Variants in IQCH observed in about 807,000 individuals in gnomAD.
IQCH encodes IQ domain-containing protein H.
IQCH carries 98 observed loss-of-function variants against 117.0 expected under a neutral mutation model. That is an observed-to-expected ratio of 0.84 (90% confidence interval 0.71 to 0.99). The LOEUF is 0.99. Among genes scored for constraint, IQCH ranks in the 50% least tolerant of loss-of-function variants. The pLI, the probability that IQCH is intolerant of heterozygous loss-of-function variation, is 0.00. For missense variants in IQCH, 1,102 were observed against 1,243.8 expected (o/e 0.89, Z 1.72); for synonymous variants, 412 against 448.2 (o/e 0.92, Z 1.02).
intron 4 of IQCH, among the ~76,000 whole-genome samples, chr15:67,301,328 G>C (rs546372683): frequency 6.6e-6 from 1 of 150,696 alleles, no homozygotes; most frequent in Admixed American, 6.6e-5. Flanking sequence ...CATCACTATA[G>C]ATGGTTCGTA....
chr15:67,346,648 C>T (rs2140695101), intron 6 of IQCH, among the ~76,000 whole-genome samples: 1 of 152,280 alleles, frequency 6.6e-6, no homozygotes, highest in Non-Finnish European at 1.5e-5. Context: ...AGTACCCAGT[C>T]TGTGGCTTGT....
At position 67,364,531 on chromosome 15, in the gene IQCH, GATTA is replaced by G; in HGVS notation, c.753+4649_753+4652del. On this transcript the variant is annotated intron_variant, in intron 8 of 20. Transcript: ENST00000335894. The surrounding 1 kb of genome is among the most constrained non-coding windows in gnomAD (Gnocchi z 4.1). Reference sequence around the variant, plus strand: ...CTAACTGAACATTTTTATTACATGTGATTAATAATTTTGCTTATATACAACAGAA... The same window carrying G: ...CTAACTGAACATTTTTATTACATGTGATAATTTTGCTTATATACAACAGAA... 6.6e-6 allele frequency among the ~76,000 whole-genome samples: 1 copy of G among 151,828 alleles called. No individual in the cohort carries two copies. Among genetic ancestry groups the G allele is most frequent in the Non-Finnish European group, 1.5e-5 (1 of 67,934 alleles).
intron 4 of IQCH, among the ~76,000 whole-genome samples, chr15:67,309,176 A>G (rs950493121): frequency 6.6e-6 from 1 of 152,136 alleles, no homozygotes; most frequent in Non-Finnish European, 1.5e-5. Context: ...AAAGCACTTA[A>G]CAAAGGTCCT....
At chr15:67,455,916 T>C (rs926506559) in intron 16 of IQCH, among the ~76,000 whole-genome samples, 2 of 152,250 alleles carry the variant, frequency 1.3e-5, no homozygotes, top group East Asian at 1.9e-4. Context: ...TGTGTTTTCA[T>C]GTTTATTATA....
intron 4 of IQCH, chr15:67,281,520 G>A (rs1018980269): frequency 3.0e-6 from 1 of 336,812 alleles, no homozygotes; most frequent in African/African-American, 2.2e-5. Flanking sequence ...AAGAAGCTTG[G>A]CTAGCAAAGA....
chr15:67,489,018 A>G (rs1049532829), intron 18 of IQCH, among the ~76,000 whole-genome samples: 3 of 151,648 alleles, frequency 2.0e-5, no homozygotes, highest in Non-Finnish European at 4.4e-5. Context: ...ACAAATTGCT[A>G]CCATATATAC....
rs571725691 is a variant in IQCH, at chr15:67,492,478, G to A, written c.2862-1780G>A. Among the ~76,000 whole-genome samples, 21 of 152,296 alleles carry A rather than the reference G, an allele frequency of 1.4e-4. No individual in the cohort carries two copies. The South Asian group carries it at 3.3e-3, about 24-fold the overall frequency. ...AACACTGGACCCAGGATTCAGATGC[G>A]TGGAGGTCATCCTGAGAAGCAACCA... On this transcript the variant is annotated intron_variant, in intron 19 of 20. Coordinates refer to ENST00000335894, the MANE Select transcript of IQCH (RefSeq NM_001031715.3).
In IQCH at chr15:67,422,231, C is replaced by G. The variant is rs1355285635; in HGVS notation, c.2505+654C>G. Among the ~76,000 whole-genome samples the G allele has an allele frequency of 2.0e-5, 3 of 152,068 alleles. No homozygotes were observed. The highest frequency in any genetic ancestry group is 7.2e-5 in the African/African-American group (3 of 41,388). On this transcript the variant is annotated intron_variant, in intron 16 of 20. Coordinates refer to ENST00000335894, the MANE Select transcript of IQCH (RefSeq NM_001031715.3). The surrounding 1 kb of genome is among the most constrained non-coding windows in gnomAD (Gnocchi z 4.7). ...ATTTTATGCCATCCAGGGAGTGGAA[C>G]CGGTCTAGAGCCTGTTTTATATAGA... is the stretch of plus-strand genomic sequence containing the variant.
rs1258184328 is a variant in IQCH at position 67,338,030 on chromosome 15, CA to C, written c.508+937del. Among the ~76,000 whole-genome samples the C allele has an allele frequency of 2.0e-5, 3 of 152,296 alleles. No homozygotes were observed. The East Asian group carries it at 5.8e-4, about 29-fold the overall frequency. ...TTCCTGGTTATAAACCATTGTTCAG[CA>C]ATCTTTGTGACATATGCTTTCTAGT... On this transcript the variant is annotated intron_variant, in intron 5 of 20. Coordinates refer to ENST00000335894, the MANE Select transcript of IQCH (RefSeq NM_001031715.3).
intron 10 of IQCH, among the ~76,000 whole-genome samples, chr15:67,379,292 ATTC>A (rs2140812407): frequency 6.6e-6 from 1 of 152,312 alleles, no homozygotes; most frequent in African/African-American, 2.4e-5. Flanking sequence ...AGTTGTGTAT[ATTC>A]TTCTTTGACT....
In IQCH at chr15:67,387,210, G is replaced by A. The variant is rs1326975611; in HGVS notation, c.1457-1621G>A. 2.0e-5 allele frequency among the ~76,000 whole-genome samples: 3 copies of A among 152,114 alleles called. No homozygotes were observed. The highest frequency in any genetic ancestry group is 4.4e-5 in the Non-Finnish European group (3 of 68,008). ...TCAGTTAATTTATTTTGAGGTTTAT[G>A]CTTCAAAATTAAATGGGAGCCACTT... is the stretch of plus-strand genomic sequence containing the variant. On this transcript the variant is annotated intron_variant, in intron 11 of 20. Coordinates refer to ENST00000335894, the MANE Select transcript of IQCH (RefSeq NM_001031715.3). This position sits in a 1 kb window ranked among gnomAD's most constrained non-coding sequence, Gnocchi z 4.8.
chr15:67,302,487 G>C (rs1410227981), intron 4 of IQCH, among the ~76,000 whole-genome samples: 1 of 152,150 alleles, frequency 6.6e-6, no homozygotes, highest in Non-Finnish European at 1.5e-5. Flanking sequence ...AAATAGACAT[G>C]CCTTGTTTGC....
At chr15:67,372,739 C>T (rs1460526825) in intron 9 of IQCH, 77 bp downstream of exon 9, 1 of 1,241,368 alleles carries the variant, frequency 8.1e-7, no homozygotes, top group Admixed American at 2.3e-5. Context: ...AATAAGTTGT[C>T]TCTATCTTCC....
intron 17 of IQCH, among the ~76,000 whole-genome samples, chr15:67,470,957 T>C (rs1318262441): frequency 6.6e-6 from 1 of 152,232 alleles, no homozygotes; most frequent in Non-Finnish European, 1.5e-5. Flanking sequence ...TGAATCTCAC[T>C]TTTTTCTTTG....
intron 6 of IQCH, among the ~76,000 whole-genome samples, chr15:67,357,047 C>G (rs985238955): frequency 6.6e-6 from 1 of 152,094 alleles, no homozygotes; most frequent in African/African-American, 2.4e-5. Flanking sequence ...AGATATTACT[C>G]TCTAATTTGC....
rs2082324708 is a variant in IQCH, at chr15:67,443,390, C to T, written c.2506-21737C>T. On this transcript the variant is annotated intron_variant, in intron 16 of 20. Transcript: ENST00000335894. This position sits in a 1 kb window ranked among gnomAD's most constrained non-coding sequence, Gnocchi z 5.0. Reference sequence around the variant, plus strand: ...GAGCTAAGCTATGAGGATTCAAAGGCATAAGAATGATACAATCGACTTTGG... The same window carrying T: ...GAGCTAAGCTATGAGGATTCAAAGGTATAAGAATGATACAATCGACTTTGG... Among the ~76,000 whole-genome samples, 1 of 151,914 alleles carries T rather than the reference C, an allele frequency of 6.6e-6. No individual in the cohort carries two copies. Among genetic ancestry groups the T allele is most frequent in the South Asian group, 2.1e-4 (1 of 4,814 alleles).
At chr15:67,261,633 A>G (rs1965466130) in intron 2 of IQCH, among the ~76,000 whole-genome samples, 1 of 152,248 alleles carries the variant, frequency 6.6e-6, no homozygotes, top group African/African-American at 2.4e-5. Flanking sequence ...GACAACTCCT[A>G]AAATGTGGTT....
In IQCH at chr15:67,443,748, C is replaced by CCTAG. The variant is rs1428029564; in HGVS notation, c.2506-21376_2506-21373dup. On this transcript the variant is annotated intron_variant, in intron 16 of 20. Coordinates refer to ENST00000335894, the MANE Select transcript of IQCH (RefSeq NM_001031715.3). This position sits in a 1 kb window ranked among gnomAD's most constrained non-coding sequence, Gnocchi z 5.0. Reference sequence around the variant, plus strand: ...TTAAAGTGCCACTTCATCCTCTAGCCCTAGCTCAGATCTGAAGTATAGCAC... The same window carrying CCTAG: ...TTAAAGTGCCACTTCATCCTCTAGCCCTAGCTAGCTCAGATCTGAAGTATAGCAC... Among the ~76,000 whole-genome samples the CCTAG allele has an allele frequency of 2.6e-5, 4 of 152,144 alleles. No individual in the cohort carries two copies. The highest frequency in any genetic ancestry group is 9.7e-5 in the African/African-American group (4 of 41,432).
rs578127535 is a variant in IQCH at position 67,370,271 on chromosome 15, A to T, written c.754-1840A>T. On this transcript the variant is annotated intron_variant, in intron 8 of 20. Coordinates refer to ENST00000335894, the MANE Select transcript of IQCH (RefSeq NM_001031715.3). This position sits in a 1 kb window ranked among gnomAD's most constrained non-coding sequence, Gnocchi z 5.6. Reference sequence around the variant, plus strand: ...TTCAGAATATTGCCAAGAAGACAAGATTCTCTGGCAAATCTCCCATCGATA... The same window carrying T: ...TTCAGAATATTGCCAAGAAGACAAGTTTCTCTGGCAAATCTCCCATCGATA... Among the ~76,000 whole-genome samples the T allele has an allele frequency of 3.9e-5, 6 of 152,268 alleles. No homozygotes were observed. The East Asian group carries it at 1.2e-3, about 29-fold the overall frequency.
Sources: allele counts gnomAD v4.1 joint callset (sites outside exome capture counted in the v4.1 genomes callset), GRCh38; gene constraint gnomAD v4.1.1; non-coding constraint Gnocchi (gnomAD v3.1); transcripts MANE v1.5; gene names NCBI Gene and HGNC (gene_info 2026-07-23, HGNC 2026-07-21).